PAQR8: variants seen among roughly 807,000 people sequenced by gnomAD.
PAQR8 encodes membrane progestin receptor beta.
Under a neutral mutation model 25.2 loss-of-function variants are expected in PAQR8, and 17 were observed. The ratio of observed to expected loss-of-function variants is 0.67; its 90% CI spans 0.46 to 1.01. PAQR8 has a LOEUF of 1.01. PAQR8 is among the 50% of genes least tolerant of loss of function. PAQR8 has a pLI of 0.00. For synonymous variants in PAQR8, 204 were observed against 190.6 expected, an observed-to-expected ratio of 1.07 and a Z score of -0.58; for missense variants, 392 against 448.4, an observed-to-expected ratio of 0.87 and a Z score of 1.14.
intron 1 of PAQR8, among the ~76,000 whole-genome samples, chr6:52,401,523 C>G (rs905566372): frequency 6.6e-6 from 1 of 152,110 alleles, no homozygotes; most frequent in Non-Finnish European, 1.5e-5. Context: ...ATTTCTGAAG[C>G]CTGAAATTCA....
At chr6:52,395,204 C>T (rs1367045682) in intron 1 of PAQR8, among the ~76,000 whole-genome samples, 9 of 140,856 alleles carry the variant, frequency 6.4e-5, no homozygotes, top group African/African-American at 1.6e-4. Context: ...ACCCGGGAGG[C>T]GGAGGTTGCA....
At chr6:52,372,409 G>A (rs1763429881) in intron 1 of PAQR8, among the ~76,000 whole-genome samples, 2 of 152,128 alleles carry the variant, frequency 1.3e-5, no homozygotes, top group African/African-American at 2.4e-5. Flanking sequence ...GGATGATCTA[G>A]AGTGACAGTG....
At position 52,405,232 on chromosome 6, in the gene PAQR8, G is replaced by C. The variant is rs1451057904; in HGVS notation, c.*954G>C. ...TTAAAAGCTCTTGGTAGGATTAGTT[G>C]GTTCTAAGGATCCCTCTAGGGACCT... is the stretch of plus-strand genomic sequence containing the variant. On this transcript the variant is annotated 3_prime_UTR_variant, in exon 2 of 2. Coordinates refer to ENST00000442253, the MANE Select transcript of PAQR8 (RefSeq NM_133367.5). 3 of 166,824 alleles carry C rather than the reference G, an allele frequency of 1.8e-5. No individual in the cohort carries two copies. In the East Asian group the frequency reaches 5.8e-4, roughly 32 times the overall value. The allele number at this position is 166,824 out of a possible 1,614,324, so 10.3% of individuals were successfully genotyped here.
chr6:52,385,488 C>A (rs913779084), intron 1 of PAQR8, among the ~76,000 whole-genome samples: 1 of 152,152 alleles, frequency 6.6e-6, no homozygotes, highest in Non-Finnish European at 1.5e-5. Flanking sequence ...TCGACATAGG[C>A]CTTGGGGAAG....
At chr6:52,363,138 C>G (rs1298968018) in intron 1 of PAQR8, among the ~76,000 whole-genome samples, 2 of 152,058 alleles carry the variant, frequency 1.3e-5, no homozygotes, top group African/African-American at 2.4e-5. Context: ...GTGGGGACCT[C>G]GCACTCAGCG....
intron 1 of PAQR8, among the ~76,000 whole-genome samples, chr6:52,375,967 A>G (rs1418078229): frequency 6.6e-6 from 1 of 152,242 alleles, no homozygotes; most frequent in Non-Finnish European, 1.5e-5. Flanking sequence ...GCAGTGCTGA[A>G]GGGGAAGAAA....
At chr6:52,370,556 A>T (rs1403150639) in intron 1 of PAQR8, among the ~76,000 whole-genome samples, 1 of 152,146 alleles carries the variant, frequency 6.6e-6, no homozygotes, top group African/African-American at 2.4e-5. Flanking sequence ...CACTGGTAGT[A>T]GGTGCAGTAC....
At chr6:52,370,117 G>C (rs564645798) in intron 1 of PAQR8, among the ~76,000 whole-genome samples, 1 of 151,656 alleles carries the variant, frequency 6.6e-6, no homozygotes, top group South Asian at 2.1e-4. Flanking sequence ...ATAATGACTT[G>C]TTTATGACTT....
intron 1 of PAQR8, among the ~76,000 whole-genome samples, chr6:52,370,948 T>C (rs1342426175): frequency 6.6e-6 from 1 of 152,172 alleles, no homozygotes; most frequent in East Asian, 1.9e-4. Context: ...AAAAATTAAA[T>C]CACTCATTGA....
chr6:52,387,238 A>G (rs1763643877), intron 1 of PAQR8, among the ~76,000 whole-genome samples: 1 of 152,240 alleles, frequency 6.6e-6, no homozygotes, highest in African/African-American at 2.4e-5. Flanking sequence ...GGGTCACTAC[A>G]GTGAGCCAGG....
intron 1 of PAQR8, among the ~76,000 whole-genome samples, chr6:52,364,070 C>A (rs1366810466): frequency 8.6e-6 from 1 of 115,964 alleles, no homozygotes; most frequent in Non-Finnish European, 1.9e-5. Context: ...TGGATATATC[C>A]ATTGAAAGAT....
chr6:52,407,674 T>A lies in PAQR8; in HGVS notation c.*3396T>A. On this transcript the variant is annotated 3_prime_UTR_variant, in exon 2 of 2. Coordinates refer to ENST00000442253, the MANE Select transcript of PAQR8 (RefSeq NM_133367.5). ...TCTATTGGTCTTGTGTTTTGCTTGCTTGGCAAAAAAAAAAAAAAAAAAAAA... is the reference window on the plus strand; with the variant it reads ...TCTATTGGTCTTGTGTTTTGCTTGCATGGCAAAAAAAAAAAAAAAAAAAAA... 9.9e-6 allele frequency: 1 copy of A among 100,766 alleles called. No homozygotes were observed. 6.2% of individuals were successfully genotyped at this position (100,766 alleles called of 1,614,324 possible). A position where few individuals can be genotyped will look rare whatever the true frequency, so the allele number is the denominator to read the frequency against.
At chr6:52,398,623 G>A (rs934969460) in intron 1 of PAQR8, among the ~76,000 whole-genome samples, 2 of 151,846 alleles carry the variant, frequency 1.3e-5, no homozygotes, top group Non-Finnish European at 1.5e-5. Flanking sequence ...GCACGATCTC[G>A]GCTCACTGCA....
chr6:52,400,398 T>C (rs1581798193), intron 1 of PAQR8, among the ~76,000 whole-genome samples: 2 of 152,228 alleles, frequency 1.3e-5, no homozygotes, highest in East Asian at 1.9e-4. Flanking sequence ...TTATGTCATA[T>C]AGTTCTTTTT....
chr6:52,399,450 A>C (rs895914620), intron 1 of PAQR8, among the ~76,000 whole-genome samples: 56 of 152,332 alleles, frequency 3.7e-4, no homozygotes, highest in African/African-American at 1.2e-3. Flanking sequence ...AGTCTTTAGA[A>C]ATTCAGTTGA....
At chr6:52,371,021 A>G (rs1763413779) in intron 1 of PAQR8, among the ~76,000 whole-genome samples, 1 of 152,200 alleles carries the variant, frequency 6.6e-6, no homozygotes, top group Non-Finnish European at 1.5e-5. Flanking sequence ...GGTACAGGAG[A>G]TAACAGAGAT....
intron 1 of PAQR8, among the ~76,000 whole-genome samples, chr6:52,366,671 T>C (rs6927270): frequency 0.72 from 108,770 of 152,036 alleles, 39,123 homozygotes; most frequent in South Asian, 0.8. Context: ...GTGTTTGGTT[T>C]TTGCTCTGTC....
chr6:52,378,316 T>C (rs1165286661), intron 1 of PAQR8, among the ~76,000 whole-genome samples: 1 of 152,212 alleles, frequency 6.6e-6, no homozygotes, highest in Admixed American at 6.5e-5. Context: ...GGTGCAGCCA[T>C]TTACTGAGAT....
intron 1 of PAQR8, among the ~76,000 whole-genome samples, chr6:52,378,390 G>A (rs570577812): frequency 6.6e-6 from 1 of 152,356 alleles, no homozygotes; most frequent in East Asian, 1.9e-4. Context: ...TTTTGGTAGT[G>A]TTCATTTGAG....
Sources: gnomAD v4.1 joint callset for allele counts (sites outside exome capture counted in the v4.1 genomes callset) on GRCh38, gnomAD v4.1.1 for gene constraint, MANE v1.5 for transcripts, NCBI Gene and HGNC (gene_info 2026-07-23, HGNC 2026-07-21) for gene names.